The following MED27 variants were observed in gnomAD, a reference collection of about 807,000 sequenced individuals.
MED27 encodes mediator complex subunit 27, also known as mediator of RNA polymerase II transcription subunit 27.
Under a neutral mutation model 38.2 loss-of-function variants are expected in MED27, and 30 were observed. The observed-to-expected ratio is 0.79, with a 90% CI of 0.59 to 1.07. The LOEUF is 1.07. Ranked by LOEUF, MED27 falls within the 50% of genes least tolerant of loss-of-function variation. The probability of loss-of-function intolerance (pLI) is 0.00; values close to 1 mark genes in which losing one functional copy is unlikely to be tolerated. For synonymous variants in MED27, 122 were observed against 153.5 expected, an observed-to-expected ratio of 0.79 and a Z score of 1.52; for missense variants, 289 against 397.5, an observed-to-expected ratio of 0.73 and a Z score of 2.32.
intron 2 of MED27, among the ~76,000 whole-genome samples, chr9:132,060,537 C>T (rs539165643): frequency 5.3e-5 from 8 of 152,356 alleles, no homozygotes; most frequent in Non-Finnish European, 1.2e-4. Flanking sequence ...GGCTCCATTT[C>T]TATAGAAGCT....
At chr9:131,876,536 A>G (rs543975022) in intron 6 of MED27, among the ~76,000 whole-genome samples, 1 of 152,306 alleles carries the variant, frequency 6.6e-6, no homozygotes, top group Non-Finnish European at 1.5e-5. Context: ...TGAATATTCA[A>G]ACAAGACCAT....
intron 2 of MED27, among the ~76,000 whole-genome samples, chr9:132,072,118 A>C (rs1011375509): frequency 1.3e-5 from 2 of 152,256 alleles, no homozygotes; most frequent in Non-Finnish European, 2.9e-5. Context: ...CTCCATGAGT[A>C]CACATGCGTA....
At chr9:131,897,943 C>G (rs562255358) in intron 4 of MED27, among the ~76,000 whole-genome samples, 1 of 152,112 alleles carries the variant, frequency 6.6e-6, no homozygotes, top group African/African-American at 2.4e-5. Context: ...CCCTCCCAAC[C>G]CCATGTCCCC....
At chr9:131,940,383 G>C (rs1447842228) in intron 3 of MED27, among the ~76,000 whole-genome samples, 2 of 151,914 alleles carry the variant, frequency 1.3e-5, no homozygotes, top group African/African-American at 4.8e-5. Context: ...TACTTATACA[G>C]CTTTCTGTTT....
intron 2 of MED27, among the ~76,000 whole-genome samples, chr9:132,044,497 A>C (rs2131125354): frequency 6.6e-6 from 1 of 152,384 alleles, no homozygotes. Context: ...CTCTGTCCTA[A>C]GGGGCAACAC....
At chr9:132,073,785 G>C in intron 2 of MED27, 1 of 1,501,248 alleles carries the variant, frequency 6.7e-7, no homozygotes, top group Non-Finnish European at 8.8e-7. Context: ...AAAAAAGGTA[G>C]CAGCAGCACC....
chr9:132,010,848 C>G (rs1411423840), intron 3 of MED27, among the ~76,000 whole-genome samples: 1 of 151,950 alleles, frequency 6.6e-6, no homozygotes, highest in Non-Finnish European at 1.5e-5. Context: ...CACTTGGACA[C>G]AGGAGGGGGA....
intron 5 of MED27, among the ~76,000 whole-genome samples, chr9:131,885,360 G>A (rs370873451): frequency 3.0e-4 from 45 of 152,274 alleles, no homozygotes; most frequent in African/African-American, 1.0e-3. Flanking sequence ...AGAAGCCCCC[G>A]GGGGAAGGTT....
chr9:131,993,864 C>T (rs750349925), intron 3 of MED27, among the ~76,000 whole-genome samples: 5 of 152,104 alleles, frequency 3.3e-5, no homozygotes, highest in Non-Finnish European at 7.4e-5. Flanking sequence ...AAGACATGCA[C>T]GTTAGGTGAA....
At chr9:131,880,088 C>A (rs1839009950) in intron 6 of MED27, among the ~76,000 whole-genome samples, 1 of 152,222 alleles carries the variant, frequency 6.6e-6, no homozygotes, top group Admixed American at 6.5e-5. Context: ...CTGAGATGAA[C>A]ACGACGAAAT....
At position 131,861,450 on chromosome 9, in the gene MED27, G is replaced by C. The variant is rs1331543508; in HGVS notation, c.802-778C>G. ...TGTCCTCCTGAATTAAGAGAAAACT[G>C]TTATTTGAAGAGGTTGGCCGAGCTT... On this transcript the variant is annotated intron_variant, in intron 7 of 7. Transcript: ENST00000292035. The surrounding 1 kb of genome is among the most constrained non-coding windows in gnomAD (Gnocchi z 4.4). Among the ~76,000 whole-genome samples, 1 of 152,212 alleles carries C rather than the reference G, an allele frequency of 6.6e-6. No homozygotes were observed. The highest frequency in any genetic ancestry group is 1.5e-5 in the Non-Finnish European group (1 of 68,040).
At chr9:131,996,265 G>A (rs1052999270) in intron 3 of MED27, among the ~76,000 whole-genome samples, 8 of 152,180 alleles carry the variant, frequency 5.3e-5, no homozygotes, top group Non-Finnish European at 1.2e-4. Flanking sequence ...TCCCTTGCTC[G>A]ATTTTGACCG....
In MED27 at chr9:131,971,255, C is replaced by G. The variant is rs371580070; in HGVS notation, c.480-31781G>C. Among the ~76,000 whole-genome samples the G allele has an allele frequency of 3.3e-4, 51 of 152,310 alleles. No individual in the cohort carries two copies. The South Asian group carries it at 0.01, about 31-fold the overall frequency. ...ATGCTGGGAAGAAGGACACCTGACA[C>G]ACTGTGAAGAGAGCACAGCTGGCAG... On this transcript the variant is annotated intron_variant, in intron 3 of 7. Coordinates refer to ENST00000292035, the MANE Select transcript of MED27 (RefSeq NM_004269.4).
chr9:132,031,571 T>C (rs1165471619), intron 2 of MED27, among the ~76,000 whole-genome samples: 2 of 151,904 alleles, frequency 1.3e-5, no homozygotes, highest in Admixed American at 6.6e-5. Context: ...TTCAGAGAGG[T>C]TGAAGTGGGA....
At chr9:131,943,802 C>T (rs1830832214) in intron 3 of MED27, among the ~76,000 whole-genome samples, 1 of 152,162 alleles carries the variant, frequency 6.6e-6, no homozygotes. Flanking sequence ...AAATGGAGAG[C>T]TGCTTGGTTC....
At chr9:132,030,412 G>A (rs1832932142) in intron 2 of MED27, among the ~76,000 whole-genome samples, 1 of 151,962 alleles carries the variant, frequency 6.6e-6, no homozygotes, top group Non-Finnish European at 1.5e-5. Context: ...GCACTGCTGA[G>A]AAAGAGGTTT....
rs1210355694 is a variant in MED27, at chr9:131,921,447, G to C, written c.573+17934C>G. Reference sequence around the variant, plus strand: ...TTTCCTTCATCATCACTGGCCATCAGAGAAATGCAAATCAAAACCACAATG... The same window carrying C: ...TTTCCTTCATCATCACTGGCCATCACAGAAATGCAAATCAAAACCACAATG... On this transcript the variant is annotated intron_variant, in intron 4 of 7. Coordinates refer to ENST00000292035, the MANE Select transcript of MED27 (RefSeq NM_004269.4). Among the ~76,000 whole-genome samples the C allele has an allele frequency of 2.6e-5, 4 of 151,740 alleles. No homozygotes were observed. In the East Asian group the frequency reaches 7.7e-4, roughly 29 times the overall value.
At chr9:131,884,180 A>C in intron 5 of MED27, 81 bp from the exon 6 acceptor site, 1 of 1,113,296 alleles carries the variant, frequency 9.0e-7, no homozygotes, top group Non-Finnish European at 1.3e-6. Context: ...ACTACTGTTA[A>C]CCCTTCTTAA....
chr9:131,891,176 G>C (rs767150971), intron 5 of MED27, among the ~76,000 whole-genome samples: 24 of 152,204 alleles, frequency 1.6e-4, no homozygotes, highest in Non-Finnish European at 3.1e-4. Flanking sequence ...AACTTTGTCA[G>C]CTGGACTAGG....
Sources: allele counts gnomAD v4.1 joint callset (sites outside exome capture counted in the v4.1 genomes callset), GRCh38; gene constraint gnomAD v4.1.1; non-coding constraint Gnocchi (gnomAD v3.1); transcripts MANE v1.5; gene names NCBI Gene and HGNC (gene_info 2026-07-23, HGNC 2026-07-21).